DNM3: variants seen among roughly 807,000 people sequenced by gnomAD.
DNM3 encodes dynamin 3.
DNM3 carries 47 observed loss-of-function variants against 101.6 expected under a neutral mutation model. The ratio of observed to expected loss-of-function variants is 0.46; its 90% CI spans 0.37 to 0.59. The LOEUF is 0.59. Among genes scored for constraint, DNM3 ranks in the 20% least tolerant of loss-of-function variants. The probability of loss-of-function intolerance (pLI) is 0.00; values close to 1 mark genes in which losing one functional copy is unlikely to be tolerated. For synonymous variants in DNM3, 385 were observed against 387.9 expected, an observed-to-expected ratio of 0.99 and a Z score of 0.09; for missense variants, 849 against 1,085.7, an observed-to-expected ratio of 0.78 and a Z score of 3.06.
At chr1:172,122,896 G>A (rs369896339) in intron 13 of DNM3, among the ~76,000 whole-genome samples, 34 of 152,058 alleles carry the variant, frequency 2.2e-4, no homozygotes, top group African/African-American at 6.3e-4. Context: ...CTCACCTATC[G>A]GGGAGGAAAA....
At chr1:171,918,168 A>G (rs2039871767) in intron 1 of DNM3, among the ~76,000 whole-genome samples, 1 of 152,232 alleles carries the variant, frequency 6.6e-6, no homozygotes. Context: ...AGCGAATACT[A>G]CAATATCAGG....
intron 17 of DNM3, among the ~76,000 whole-genome samples, chr1:172,364,629 A>T (rs1414732566): frequency 1.3e-5 from 2 of 151,948 alleles, no homozygotes; most frequent in Admixed American, 6.6e-5. Flanking sequence ...AATCACAGTG[A>T]CATGGTTTGG....
intron 17 of DNM3, among the ~76,000 whole-genome samples, chr1:172,355,728 A>C (rs1178768951): frequency 6.6e-6 from 1 of 152,162 alleles, no homozygotes; most frequent in East Asian, 1.9e-4. Flanking sequence ...ATTACCTAGA[A>C]TGTAACACAG....
chr1:172,082,038 A>T, intron 12 of DNM3, 136 bp downstream of exon 12: 1 of 873,072 alleles, frequency 1.1e-6, no homozygotes, highest in South Asian at 1.8e-5. Flanking sequence ...GTGCCTACTT[A>T]GGAAGTCTGA....
downstream of DNM3, among the ~76,000 whole-genome samples, chr1:172,414,384 G>A (rs1326661650): frequency 6.6e-6 from 1 of 152,056 alleles, no homozygotes; most frequent in African/African-American, 2.4e-5. Context: ...ATGGTTTTTT[G>A]GCCAAATATG....
chr1:172,345,729 A>G (rs1258966242), intron 17 of DNM3, among the ~76,000 whole-genome samples: 1 of 152,158 alleles, frequency 6.6e-6, no homozygotes, highest in Non-Finnish European at 1.5e-5. Context: ...TCTGGGCATG[A>G]AATAGTCCCT....
At chr1:172,268,007 T>C (rs1239912555) in intron 15 of DNM3, among the ~76,000 whole-genome samples, 1 of 152,154 alleles carries the variant, frequency 6.6e-6, no homozygotes, top group East Asian at 1.9e-4. Flanking sequence ...CCACGGCACC[T>C]GGCCAGGTTT....
intron 14 of DNM3, among the ~76,000 whole-genome samples, chr1:172,181,449 A>G (rs1235878376): frequency 6.6e-6 from 1 of 151,960 alleles, no homozygotes. Flanking sequence ...ATATCTATAT[A>G]TATCTTGCTA....
chr1:172,195,303 G>T (rs901249365), intron 14 of DNM3, among the ~76,000 whole-genome samples: 8 of 151,838 alleles, frequency 5.3e-5, no homozygotes, highest in African/African-American at 1.9e-4. Context: ...TTAATTACTT[G>T]TTAGTTCTCA....
At chr1:171,857,615 A>G (rs1383519508) in intron 1 of DNM3, among the ~76,000 whole-genome samples, 4 of 152,158 alleles carry the variant, frequency 2.6e-5, no homozygotes, top group African/African-American at 9.7e-5. Context: ...CTTATGGTTC[A>G]AAACTGTTTA....
intron 15 of DNM3, among the ~76,000 whole-genome samples, chr1:172,301,611 ATTAT>A (rs1390736868): frequency 6.6e-6 from 1 of 152,236 alleles, no homozygotes. Context: ...GATGAAAATA[ATTAT>A]TTAAGTATTA....
chr1:171,893,336 A>T (rs1269692986), intron 1 of DNM3, among the ~76,000 whole-genome samples: 2 of 152,046 alleles, frequency 1.3e-5, no homozygotes, highest in Non-Finnish European at 2.9e-5. Context: ...TGAGCTATTT[A>T]ATTTTATATT....
In DNM3 at chr1:171,960,805, T is replaced by C. The variant is rs114631795; in HGVS notation, c.236-26851T>C. ...AAATGAAAACAGTGTACTCTGTGAC[T>C]GGAAGAAAAAAAGCAGGATGGGGTG... On this transcript the variant is annotated intron_variant, in intron 2 of 20. Transcript: ENST00000627582. 6.5e-3 allele frequency among the ~76,000 whole-genome samples: 986 copies of C among 152,226 alleles called. 16 individuals are homozygous for C. The highest frequency in any genetic ancestry group is 0.022 in the African/African-American group (896 of 41,540).
At chr1:172,043,949 A>C (rs1037008343) in intron 8 of DNM3, among the ~76,000 whole-genome samples, 6 of 152,200 alleles carry the variant, frequency 3.9e-5, no homozygotes, top group African/African-American at 1.4e-4. Flanking sequence ...CCTTTAACTC[A>C]AATGATTTAA....
intron 14 of DNM3, among the ~76,000 whole-genome samples, chr1:172,248,079 CT>C (rs1328042805): frequency 6.6e-6 from 1 of 151,856 alleles, no homozygotes; most frequent in African/African-American, 2.4e-5. Context: ...AGAATCTATG[CT>C]TTTTTTTGTA....
chr1:172,007,098 T>C (rs542337261), intron 4 of DNM3, among the ~76,000 whole-genome samples: 17 of 152,210 alleles, frequency 1.1e-4, no homozygotes, highest in African/African-American at 4.1e-4. Flanking sequence ...TTTGGGCTAT[T>C]GCAAATAAAG....
At chr1:172,018,483 C>T (rs915042650) in intron 4 of DNM3, among the ~76,000 whole-genome samples, 8 of 152,136 alleles carry the variant, frequency 5.3e-5, no homozygotes, top group African/African-American at 1.7e-4. Context: ...ATTTAACTTA[C>T]AATTTTTTGA....
intron 14 of DNM3, among the ~76,000 whole-genome samples, chr1:172,202,560 T>A (rs1336778791): frequency 2.0e-5 from 3 of 152,198 alleles, no homozygotes; most frequent in Admixed American, 2.0e-4. Context: ...TTTACTAAAT[T>A]GTGGGGTTCT....
intron 17 of DNM3, among the ~76,000 whole-genome samples, chr1:172,378,424 T>G (rs1159538088): frequency 6.6e-6 from 1 of 152,124 alleles, no homozygotes; most frequent in Non-Finnish European, 1.5e-5. Flanking sequence ...GGAGCCAGTC[T>G]TTAGTAGTGA....
Sources: gnomAD v4.1 joint callset for allele counts (sites outside exome capture counted in the v4.1 genomes callset) on GRCh38, gnomAD v4.1.1 for gene constraint, MANE v1.5 for transcripts, NCBI Gene and HGNC (gene_info 2026-07-23, HGNC 2026-07-21) for gene names.